Variants in SPRR2G observed in about 807,000 individuals in gnomAD.
SPRR2G encodes the protein small proline rich protein 2G.
A neutral mutation model predicts 0.7 loss-of-function variants in SPRR2G; 1 was observed. That is an observed-to-expected ratio of 1.49 (90% CI 0.53 to 7.06). The LOEUF is 7.06. Among genes scored for constraint, SPRR2G ranks in the 30% most tolerant of loss-of-function variants. SPRR2G has a pLI of 0.14. For synonymous variants in SPRR2G, 38 were observed against 33.9 expected (o/e 1.12, Z -0.42); for missense variants, 96 against 88.5 (o/e 1.09, Z -0.34).
the SPRR2G span, among the ~76,000 whole-genome samples, chr1:153,174,032 AT>A: frequency 6.6e-6 from 1 of 152,224 alleles, no homozygotes; most frequent in African/African-American, 2.4e-5. Flanking sequence ...AGAAGGCCCT[AT>A]GAAAGAGTCT....
the SPRR2G span, among the ~76,000 whole-genome samples, chr1:153,198,135 G>A: frequency 6.6e-6 from 1 of 152,146 alleles, no homozygotes; most frequent in South Asian, 2.1e-4. Flanking sequence ...TCAAGGTTGA[G>A]GAGGAGAGAG....
Position 153,149,610 on chromosome 1 carries a change from T to A in SPRR2G, c.*279A>T. On this transcript the variant is annotated 3_prime_UTR_variant, in exon 2 of 2. Transcript: ENST00000368748. ...GCTTGACCATGAAACATGTGCTTTA[T>A]TGGGGAGAAGCAAAAGAATAAACAC... 1 of 506,642 alleles carries A rather than the reference T, an allele frequency of 2.0e-6. No individual in the cohort carries two copies. The allele number at this position is 506,642 out of a possible 1,614,324, so 31.4% of individuals were successfully genotyped here.
chr1:153,180,520 A>C, the SPRR2G span, among the ~76,000 whole-genome samples: 1 of 152,148 alleles, frequency 6.6e-6, no homozygotes, highest in Non-Finnish European at 1.5e-5. Context: ...TTATTGCTAA[A>C]AGGTATTTTA....
At chr1:153,161,443 G>A in the SPRR2G span, among the ~76,000 whole-genome samples, 1 of 47,418 alleles carries the variant, frequency 2.1e-5, no homozygotes, top group African/African-American at 4.8e-5. Flanking sequence ...CCTTTGAGTT[G>A]TTTGAGTTCC....
At chr1:153,180,179 A>G in the SPRR2G span, among the ~76,000 whole-genome samples, 2 of 152,318 alleles carry the variant, frequency 1.3e-5, no homozygotes, top group East Asian at 1.9e-4. Flanking sequence ...CTAAACAACC[A>G]TGCAACCAAT....
the SPRR2G span, chr1:153,191,707 G>A: frequency 6.6e-6 from 1 of 152,100 alleles, no homozygotes; most frequent in East Asian, 1.9e-4. Flanking sequence ...GGACCCCAAG[G>A]TTCCCACACC....
chr1:153,176,834 G>A, the SPRR2G span, among the ~76,000 whole-genome samples: 3 of 152,210 alleles, frequency 2.0e-5, no homozygotes, highest in African/African-American at 4.8e-5. Flanking sequence ...ATTCAAGTAT[G>A]TAGATTTCTG....
At chr1:153,168,904 A>ATGTGTGTGTGTGTGTGTG in the SPRR2G span, among the ~76,000 whole-genome samples, 2,880 of 148,120 alleles carry the variant, frequency 0.019, 205 homozygotes, top group East Asian at 0.26. Context: ...TCATGAGTGT[A>ATGTGTGTGTGTGTGTGTG]TGTGTGTGTG....
At chr1:153,168,904 ATGTG>A in the SPRR2G span, among the ~76,000 whole-genome samples, 2,147 of 148,140 alleles carry the variant, frequency 0.014, 67 homozygotes, top group East Asian at 0.11. Flanking sequence ...TCATGAGTGT[ATGTG>A]TGTGTGTGTG....
At chr1:153,188,319 C>G in the SPRR2G span, among the ~76,000 whole-genome samples, 1 of 152,176 alleles carries the variant, frequency 6.6e-6, no homozygotes, top group Admixed American at 6.5e-5. Context: ...ACCCCTTCCC[C>G]CAGGTGCTCT....
the SPRR2G span, among the ~76,000 whole-genome samples, chr1:153,192,671 T>A: frequency 6.6e-6 from 1 of 152,210 alleles, no homozygotes; most frequent in Non-Finnish European, 1.5e-5. Context: ...TTGTTCTAAA[T>A]CTTGTTATTA....
the SPRR2G span, among the ~76,000 whole-genome samples, chr1:153,175,858 G>A: frequency 6.6e-6 from 1 of 152,154 alleles, no homozygotes; most frequent in African/African-American, 2.4e-5. Flanking sequence ...GCCAAGGCAG[G>A]TGGATCACCT....
At chr1:153,163,802 T>C in the SPRR2G span, among the ~76,000 whole-genome samples, 1 of 152,178 alleles carries the variant, frequency 6.6e-6, no homozygotes, top group African/African-American at 2.4e-5. Context: ...CAGTTAACAT[T>C]TCGACCTAGA....
At chr1:153,172,698 T>A in the SPRR2G span, among the ~76,000 whole-genome samples, 1 of 152,216 alleles carries the variant, frequency 6.6e-6, no homozygotes, top group Admixed American at 6.5e-5. Context: ...CAAACCCTTT[T>A]GTTTTCCAAA....
the SPRR2G span, among the ~76,000 whole-genome samples, chr1:153,170,356 CA>C: frequency 6.6e-6 from 1 of 152,076 alleles, no homozygotes; most frequent in Non-Finnish European, 1.5e-5. Context: ...TTATGGCTCA[CA>C]AAAAGCTGTA....
the SPRR2G span, among the ~76,000 whole-genome samples, chr1:153,188,013 G>C: frequency 6.6e-6 from 1 of 152,172 alleles, no homozygotes; most frequent in African/African-American, 2.4e-5. Flanking sequence ...GACCCTGTTT[G>C]CCTGGGTATT....
At chr1:153,173,271 AC>A in the SPRR2G span, among the ~76,000 whole-genome samples, 1 of 152,088 alleles carries the variant, frequency 6.6e-6, no homozygotes, top group Non-Finnish European at 1.5e-5. Context: ...CACTTCCAGA[AC>A]CCCCAGGCTT....
the SPRR2G span, among the ~76,000 whole-genome samples, chr1:153,170,928 G>A: frequency 3.9e-3 from 588 of 152,266 alleles, 9 homozygotes; most frequent in African/African-American, 0.013. Context: ...AGGAAGAACA[G>A]GGTATCATGG....
chr1:153,163,272 G>C, the SPRR2G span, among the ~76,000 whole-genome samples: 1 of 152,142 alleles, frequency 6.6e-6, no homozygotes. Context: ...GATAAAAATG[G>C]AGCTGAGGGA....
Sources: gnomAD v4.1 joint callset for allele counts (sites outside exome capture counted in the v4.1 genomes callset) on GRCh38, gnomAD v4.1.1 for gene constraint, MANE v1.5 for transcripts, NCBI Gene and HGNC (gene_info 2026-07-23, HGNC 2026-07-21) for gene names.